LINGO2: variants seen among roughly 807,000 people sequenced by gnomAD.
LINGO2 encodes the protein leucine-rich repeat and immunoglobulin-like domain-containing nogo receptor-interacting protein 2.
Under a neutral mutation model 30.6 loss-of-function variants are expected in LINGO2, and 14 were observed. The observed-to-expected ratio is 0.46, with a 90% CI of 0.30 to 0.72. The LOEUF is 0.72. Ranked by LOEUF, LINGO2 falls within the 30% of genes least tolerant of loss-of-function variation. The probability of loss-of-function intolerance (pLI) is 0.07; values close to 1 mark genes in which losing one functional copy is unlikely to be tolerated. For missense variants in LINGO2, 729 were observed against 751.7 expected (o/e 0.97, Z 0.35); for synonymous variants, 317 against 288.5 (o/e 1.10, Z -1.00).
chr9:28,723,245 C>T, the LINGO2 span, among the ~76,000 whole-genome samples: 1 of 152,080 alleles, frequency 6.6e-6, no homozygotes, highest in African/African-American at 2.4e-5. Flanking sequence ...GGTGACGTTG[C>T]TGTTGCTGGT....
intron 1 of LINGO2, among the ~76,000 whole-genome samples, chr9:28,503,854 C>G (rs112854124): frequency 6.7e-6 from 1 of 150,096 alleles, no homozygotes; most frequent in African/African-American, 2.4e-5. Context: ...AAAAAAGATA[C>G]GGGGGGAAAA....
chr9:29,084,490 G>T, the LINGO2 span, among the ~76,000 whole-genome samples: 1 of 151,988 alleles, frequency 6.6e-6, no homozygotes, highest in Non-Finnish European at 1.5e-5. Flanking sequence ...TTTTGCAGGG[G>T]ATAATGTAAA....
chr9:28,800,253 A>T, the LINGO2 span, among the ~76,000 whole-genome samples: 2 of 152,094 alleles, frequency 1.3e-5, no homozygotes, highest in Non-Finnish European at 2.9e-5. Context: ...CCATGTAAAA[A>T]TGTCTTCTGA....
the LINGO2 span, among the ~76,000 whole-genome samples, chr9:29,143,711 C>G: frequency 6.6e-6 from 1 of 152,126 alleles, no homozygotes; most frequent in East Asian, 1.9e-4. Context: ...TTCCCCCATT[C>G]TGTAGGATGT....
At chr9:29,191,691 A>G in the LINGO2 span, among the ~76,000 whole-genome samples, 12 of 152,288 alleles carry the variant, frequency 7.9e-5, no homozygotes, top group South Asian at 2.3e-3. Context: ...TCAGGATAGC[A>G]CAACTCAAAA....
the LINGO2 span, among the ~76,000 whole-genome samples, chr9:28,953,267 T>G: frequency 6.6e-6 from 1 of 152,144 alleles, no homozygotes; most frequent in African/African-American, 2.4e-5. Flanking sequence ...TGAATTAAGG[T>G]AAATGGGTAT....
chr9:28,299,781 AT>A (rs1824066371), intron 3 of LINGO2, among the ~76,000 whole-genome samples: 1 of 152,106 alleles, frequency 6.6e-6, no homozygotes, highest in East Asian at 1.9e-4. Flanking sequence ...AATCTGAAAG[AT>A]TCACTCAATT....
At chr9:28,259,014 G>T (rs562399540) in intron 4 of LINGO2, among the ~76,000 whole-genome samples, 1 of 151,884 alleles carries the variant, frequency 6.6e-6, no homozygotes, top group South Asian at 2.1e-4. Flanking sequence ...TGCATATGAG[G>T]TTTTTTAATT....
chr9:28,267,664 C>G (rs377400911), intron 4 of LINGO2, among the ~76,000 whole-genome samples: 3 of 152,022 alleles, frequency 2.0e-5, no homozygotes, highest in South Asian at 2.1e-4. Flanking sequence ...CCAGCTTCAA[C>G]TCAATGTTTC....
intron 1 of LINGO2, among the ~76,000 whole-genome samples, chr9:28,532,929 C>T (rs1049210063): frequency 6.6e-6 from 1 of 152,078 alleles, no homozygotes; most frequent in Admixed American, 6.6e-5. Context: ...CAATCCTTTG[C>T]ACCCTGTTGA....
the LINGO2 span, among the ~76,000 whole-genome samples, chr9:28,815,084 CT>C: frequency 6.6e-6 from 1 of 152,180 alleles, no homozygotes; most frequent in African/African-American, 2.4e-5. Context: ...TATAGAGAGG[CT>C]GTCTCAACTG....
At chr9:28,055,671 CAAA>C (rs774116228) in intron 4 of LINGO2, among the ~76,000 whole-genome samples, 2 of 152,000 alleles carry the variant, frequency 1.3e-5, no homozygotes, top group Non-Finnish European at 2.9e-5. Context: ...GCTAGATTGT[CAAA>C]AAACAAAATG....
chr9:28,796,170 G>C, the LINGO2 span, among the ~76,000 whole-genome samples: 3 of 151,908 alleles, frequency 2.0e-5, no homozygotes, highest in Non-Finnish European at 4.4e-5. Flanking sequence ...TTCACAAACT[G>C]ATTTATTGAT....
intron 4 of LINGO2, among the ~76,000 whole-genome samples, chr9:28,239,933 A>C (rs1821721923): frequency 6.6e-6 from 1 of 152,212 alleles, no homozygotes; most frequent in African/African-American, 2.4e-5. Flanking sequence ...AAATTCAGTA[A>C]AGTTGCAGGA....
At chr9:28,225,707 C>G (rs1404560474) in intron 4 of LINGO2, among the ~76,000 whole-genome samples, 1 of 151,926 alleles carries the variant, frequency 6.6e-6, no homozygotes, top group Non-Finnish European at 1.5e-5. Flanking sequence ...GAGCAAAACA[C>G]ACAAGCAAGC....
At chr9:28,233,061 T>TATATATATATACAA (rs60875467) in intron 4 of LINGO2, among the ~76,000 whole-genome samples, 5 of 118,830 alleles carry the variant, frequency 4.2e-5, no homozygotes, top group East Asian at 2.4e-4. Context: ...TATATATATA[T>TATATATATATACAA]TAGATATATA....
intron 4 of LINGO2, among the ~76,000 whole-genome samples, chr9:28,039,549 C>G (rs1824103191): frequency 6.6e-6 from 1 of 152,154 alleles, no homozygotes; most frequent in South Asian, 2.1e-4. Context: ...GACACAGTAA[C>G]AGTGCTATCT....
chr9:29,068,195 A>T, the LINGO2 span, among the ~76,000 whole-genome samples: 2 of 151,782 alleles, frequency 1.3e-5, no homozygotes, highest in African/African-American at 4.8e-5. Context: ...AATAAAACAG[A>T]AATAAACAAA....
At position 28,275,703 on chromosome 9, in the gene LINGO2, T is replaced by G. The variant is rs532637611; in HGVS notation, c.-87+19505A>C. ...AAAAAACAAAGTTGAAAATTCAAAG[T>G]CAACATGTTCAAGAACTACCAGGTA... On this transcript the variant is annotated intron_variant, in intron 4 of 5. Transcript: ENST00000379992. Among the ~76,000 whole-genome samples the G allele has an allele frequency of 9.2e-5, 14 of 152,274 alleles. No homozygotes were observed. The East Asian group carries it at 2.7e-3, about 29-fold the overall frequency.
Sources: gnomAD v4.1 joint callset for allele counts (sites outside exome capture counted in the v4.1 genomes callset) on GRCh38, gnomAD v4.1.1 for gene constraint, MANE v1.5 for transcripts, NCBI Gene and HGNC (gene_info 2026-07-23, HGNC 2026-07-21) for gene names.